The following CSNK1D variants were observed in gnomAD, a reference collection of about 807,000 sequenced individuals.
CSNK1D encodes the protein casein kinase I isoform delta.
A neutral mutation model predicts 46.6 loss-of-function variants in CSNK1D; 16 were observed. That is an observed-to-expected ratio of 0.34 (90% CI 0.23 to 0.52). The LOEUF is 0.52. Among genes scored for constraint, CSNK1D ranks in the 20% least tolerant of loss-of-function variants. The pLI is 0.95. For synonymous variants in CSNK1D, 276 were observed against 228.2 expected, an observed-to-expected ratio of 1.21 and a Z score of -1.89; for missense variants, 398 against 578.4, an observed-to-expected ratio of 0.69 and a Z score of 3.20.
intron 1 of CSNK1D, among the ~76,000 whole-genome samples, chr17:82,269,831 C>A: frequency 6.6e-6 from 1 of 152,386 alleles, no homozygotes; most frequent in Non-Finnish European, 1.5e-5. Flanking sequence ...CAGTCCTCTT[C>A]CGCCAGACAC....
chr17:82,263,012 T>C (rs567652753), intron 2 of CSNK1D, among the ~76,000 whole-genome samples: 27 of 152,210 alleles, frequency 1.8e-4, no homozygotes, highest in African/African-American at 6.3e-4. Flanking sequence ...AAGCCCTATC[T>C]CTACTAAAAA....
chr17:82,241,796 C>T (rs1042140059), downstream of CSNK1D, among the ~76,000 whole-genome samples: 23 of 152,288 alleles, frequency 1.5e-4, no homozygotes, highest in Admixed American at 1.1e-3. Flanking sequence ...TGGGAGGAGG[C>T]AAAGTCTGGG....
downstream of CSNK1D, among the ~76,000 whole-genome samples, chr17:82,242,269 G>C (rs1486702873): frequency 6.6e-6 from 1 of 152,036 alleles, no homozygotes; most frequent in Non-Finnish European, 1.5e-5. Flanking sequence ...CCATCGGGCA[G>C]CTCCTGGGCT....
rs375904129 is a variant in CSNK1D, at chr17:82,248,565, G to A, written c.1197+310C>T. On this transcript the variant is annotated intron_variant, in intron 8 of 8. Coordinates refer to ENST00000314028, the MANE Select transcript of CSNK1D (RefSeq NM_001893.6). The surrounding 1 kb of genome is among the most constrained non-coding windows in gnomAD (Gnocchi z 4.1). Reference sequence around the variant, plus strand: ...AGCAGGCGAGCGGTGTCAGCTGCCTGGGGACGGCTGCGGGCAGCGGGGCAC... The same window carrying A: ...AGCAGGCGAGCGGTGTCAGCTGCCTAGGGACGGCTGCGGGCAGCGGGGCAC... 5 of 1,219,048 alleles carry A rather than the reference G, an allele frequency of 4.1e-6. No homozygotes were observed. In the African/African-American group the frequency reaches 4.7e-5, roughly 11 times the overall value. The allele number at this position is 1,219,048 out of a possible 1,614,324, so 75.5% of individuals were successfully genotyped here.
rs1316192608 is a variant in CSNK1D at position 82,243,949 on chromosome 17, C to T, written c.*832G>A. The T allele has an allele frequency of 1.0e-6, 1 of 985,846 alleles. No individual in the cohort carries two copies. Among genetic ancestry groups the T allele is most frequent in the Non-Finnish European group, 1.2e-6 (1 of 830,212 alleles). The allele number at this position is 985,846 out of a possible 1,614,324, so 61.1% of individuals were successfully genotyped here. ...CTGCTTCCAAGCTCTCAGCTGCCTGCCCACCTCCTGGGGAAGAAGCGCGCA... is the reference window on the plus strand; with the variant it reads ...CTGCTTCCAAGCTCTCAGCTGCCTGTCCACCTCCTGGGGAAGAAGCGCGCA... On this transcript the variant is annotated 3_prime_UTR_variant, in exon 9 of 9. Coordinates refer to ENST00000314028, the MANE Select transcript of CSNK1D (RefSeq NM_001893.6).
At chr17:82,245,949 C>A in intron 8 of CSNK1D, 1 of 1,584,870 alleles carries the variant, frequency 6.3e-7, no homozygotes, top group East Asian at 2.3e-5. Context: ...GGCGCTGCTG[C>A]CTGGCGCCCG....
In CSNK1D at chr17:82,255,191, G is replaced by A. The variant is rs535570476; in HGVS notation, c.336+238C>T. Reference sequence around the variant, plus strand: ...CCTCGAGAAGCCAGTGAGCTGGGCCGCCGGAGCCTCGAGAAGCCAGTGAGC... The same window carrying A: ...CCTCGAGAAGCCAGTGAGCTGGGCCACCGGAGCCTCGAGAAGCCAGTGAGC... On this transcript the variant is annotated intron_variant, in intron 3 of 8. Coordinates refer to ENST00000314028, the MANE Select transcript of CSNK1D (RefSeq NM_001893.6). This position sits in a 1 kb window ranked among gnomAD's most constrained non-coding sequence, Gnocchi z 5.9. 6.5e-5 allele frequency: 34 copies of A among 524,834 alleles called. No individual in the cohort carries two copies. The highest frequency in any genetic ancestry group is 1.0e-4 in the Non-Finnish European group (30 of 292,978). 32.5% of individuals were successfully genotyped at this position (524,834 alleles called of 1,614,324 possible).
At position 82,273,396 on chromosome 17, in the gene CSNK1D, G is replaced by T. The variant is rs1269271184; in HGVS notation, c.-15C>A. The T allele has an allele frequency of 3.1e-6, 5 of 1,610,442 alleles. No individual in the cohort carries two copies. In the East Asian group the frequency reaches 1.1e-4, roughly 36 times the overall value. ...CTCAGCTCCATGGCGGCGGCGGCCC[G>T]ATTCGCTCCTGCCCTCCCGGCCGCT... On this transcript the variant is annotated 5_prime_UTR_variant, in exon 1 of 9. Coordinates refer to ENST00000314028, the MANE Select transcript of CSNK1D (RefSeq NM_001893.6). This position sits in a 1 kb window ranked among gnomAD's most constrained non-coding sequence, Gnocchi z 5.1.
At position 82,252,541 on chromosome 17, in the gene CSNK1D, G is replaced by C. The variant is rs1434575965; in HGVS notation, c.629C>G (p.Ser210Cys). 6.2e-7 allele frequency: 1 copy of C among 1,614,068 alleles called. No homozygotes were observed. The highest frequency in any genetic ancestry group is 8.5e-7 in the Non-Finnish European group (1 of 1,180,018). Residue 210 changes from serine (S) to cysteine (C), a missense_variant, in exon 5 of 9, where the codon TCT becomes TGT. Around this residue, in one of 2 missense-constraint regions of CSNK1D, gnomAD observed 217 missense variants for 370.3 expected, o/e 0.59. Coordinates refer to ENST00000314028, the MANE Select transcript of CSNK1D (RefSeq NM_001893.6). This position sits in a 1 kb window ranked among gnomAD's most constrained non-coding sequence, Gnocchi z 4.6. ...AGCCTTCAGCCCCTGCCAGGGGAGAGAGCCCAGGTTGAAGTACATTAGCAC... is the reference window on the plus strand; with the variant it reads ...AGCCTTCAGCCCCTGCCAGGGGAGACAGCCCAGGTTGAAGTACATTAGCAC... ...GYVLMYFNLG[S>C]LPWQGLKAAT...
In CSNK1D at chr17:82,249,381, A is replaced by G. The variant is rs1279387797; in HGVS notation, c.1057+50T>C. The G allele has an allele frequency of 1.3e-5, 20 of 1,521,456 alleles. No individual in the cohort carries two copies. The highest frequency in any genetic ancestry group is 1.7e-5 in the Non-Finnish European group (19 of 1,133,864). The allele number at this position is 1,521,456 out of a possible 1,614,324, so 94.2% of individuals were successfully genotyped here. A position where few individuals can be genotyped will look rare whatever the true frequency, so the allele number is the denominator to read the frequency against. On this transcript the variant is annotated intron_variant, in intron 7 of 8. Coordinates refer to ENST00000314028, the MANE Select transcript of CSNK1D (RefSeq NM_001893.6). This position sits in a 1 kb window ranked among gnomAD's most constrained non-coding sequence, Gnocchi z 6.7. ...GTTGTCCCCACCAACCCCAAGACAC[A>G]AGAAGTCACCCCAGAGCCAGCCCCA... is the stretch of plus-strand genomic sequence containing the variant.
In CSNK1D at chr17:82,273,432, G is replaced by A. The variant is rs912924545; in HGVS notation, c.-51C>T. 1.9e-6 allele frequency: 3 copies of A among 1,601,946 alleles called. No homozygotes were observed. Among genetic ancestry groups the A allele is most frequent in the African/African-American group, 2.7e-5 (2 of 74,342 alleles). ...GCCCTCCCGGCCGCTTCCTGGGTCT[G>A]AACTCTGGGAGGCGGCGCCGCTGCT... is the stretch of plus-strand genomic sequence containing the variant. On this transcript the variant is annotated 5_prime_UTR_variant, in exon 1 of 9. Transcript: ENST00000314028. The surrounding 1 kb of genome is among the most constrained non-coding windows in gnomAD (Gnocchi z 5.1).
intron 8 of CSNK1D, chr17:82,245,683 A>G: frequency 2.3e-6 from 1 of 436,712 alleles, no homozygotes; most frequent in Non-Finnish European, 4.3e-6. Context: ...GGCACCCAGG[A>G]CAGGAGGAGA....
rs2050804035 is a variant in CSNK1D at position 82,244,654 on chromosome 17, G to A, written c.*127C>T. The A allele has an allele frequency of 6.4e-7, 1 of 1,562,940 alleles. No homozygotes were observed. Among genetic ancestry groups the A allele is most frequent in the East Asian group, 2.3e-5 (1 of 42,896 alleles). On this transcript the variant is annotated 3_prime_UTR_variant, in exon 9 of 9. Transcript: ENST00000314028. Reference sequence around the variant, plus strand: ...TTCCCCCACGAGCGTCGCTGGGTGAGTGGCCTGGAGAGCTCCCGGTGTTAA... The same window carrying A: ...TTCCCCCACGAGCGTCGCTGGGTGAATGGCCTGGAGAGCTCCCGGTGTTAA...
At position 82,255,720 on chromosome 17, in the gene CSNK1D, G is replaced by T; in HGVS notation, c.188-143C>A. ...GGAGGTAGAAGACCCCGGCAACGCC[G>T]CTCCTCAGGGACCCATCCTCGAGAT... On this transcript the variant is annotated intron_variant, in intron 2 of 8. Transcript: ENST00000314028. The surrounding 1 kb of genome is among the most constrained non-coding windows in gnomAD (Gnocchi z 5.9). The T allele has an allele frequency of 1.0e-6, 1 of 1,003,968 alleles. No homozygotes were observed. The highest frequency in any genetic ancestry group is 1.5e-6 in the Non-Finnish European group (1 of 647,458). 62.2% of individuals were successfully genotyped at this position (1,003,968 alleles called of 1,614,324 possible).
chr17:82,260,738 CGACTGATGTGACTGATGGTATACT>C (rs1316011273), intron 2 of CSNK1D, among the ~76,000 whole-genome samples: 96 of 115,188 alleles, frequency 8.3e-4, no homozygotes, highest in Non-Finnish European at 8.0e-4. Flanking sequence ...GACGGTGTAC[CGACTGATGTGACTGATGGTATACT>C]GACTGATGTG....
rs556565820 is a variant in CSNK1D, at chr17:82,243,477, C to T, written c.*1304G>A. 21 of 985,556 alleles carry T rather than the reference C, an allele frequency of 2.1e-5. No homozygotes were observed. The East Asian group carries it at 2.0e-3, about 96-fold the overall frequency. 61.1% of individuals were successfully genotyped at this position (985,556 alleles called of 1,614,324 possible). On this transcript the variant is annotated 3_prime_UTR_variant, in exon 9 of 9. Transcript: ENST00000314028. ...CAGCAGCATGGAGCCTGGGGCAGCA[C>T]CAGCTCACGGAGGCCACCTGCCTTC... is the stretch of plus-strand genomic sequence containing the variant.
In CSNK1D at chr17:82,248,177, C is replaced by A. The variant is rs2050898991; in HGVS notation, c.1197+698G>T. 1 of 985,428 alleles carries A rather than the reference C, an allele frequency of 1.0e-6. No individual in the cohort carries two copies. Among genetic ancestry groups the A allele is most frequent in the Admixed American group, 6.1e-5 (1 of 16,270 alleles). The allele number at this position is 985,428 out of a possible 1,614,324, so 61.0% of individuals were successfully genotyped here. A position where few individuals can be genotyped will look rare whatever the true frequency, so the allele number is the denominator to read the frequency against. On this transcript the variant is annotated intron_variant, in intron 8 of 8. Transcript: ENST00000314028. The surrounding 1 kb of genome is among the most constrained non-coding windows in gnomAD (Gnocchi z 4.1). The stretch of plus-strand genomic sequence containing the variant: ...TAACCCTGCCCCTGTTGGCGAACAA[C>A]CCAGAAAACTATTTGAAGAAATATA...
chr17:82,257,811 G>A lies in CSNK1D; in HGVS notation c.188-2234C>T, dbSNP rs182728986. Among the ~76,000 whole-genome samples the A allele has an allele frequency of 2.3e-3, 345 of 152,330 alleles. 1 individual carries two copies. The highest frequency in any genetic ancestry group is 4.3e-3 in the Non-Finnish European group (294 of 68,018). On this transcript the variant is annotated intron_variant, in intron 2 of 8. Transcript: ENST00000314028. ...ACATTCTCAATGTCCGGCATCCAAA[G>A]TGGAAAACAAACCTGGAGTAAGAGG...
intron 8 of CSNK1D, chr17:82,247,787 G>C (rs868612361): frequency 3.0e-6 from 3 of 985,272 alleles, no homozygotes; most frequent in Middle Eastern, 5.2e-4. Flanking sequence ...TAACCACAAA[G>C]TCAAAATAAC....
Sources: allele counts gnomAD v4.1 joint callset (sites outside exome capture counted in the v4.1 genomes callset), GRCh38; gene constraint gnomAD v4.1.1; regional missense constraint gnomAD v4.1.1; non-coding constraint Gnocchi (gnomAD v3.1); transcripts MANE v1.5; gene names NCBI Gene and HGNC (gene_info 2026-07-23, HGNC 2026-07-21).